Variants in TWIST1 observed in about 807,000 individuals in gnomAD.
TWIST1 encodes twist-related protein 1.
A neutral mutation model predicts 12.9 loss-of-function variants in TWIST1; 8 were observed. That is an observed-to-expected ratio of 0.62 (90% CI 0.37 to 1.12). The LOEUF (loss-of-function observed/expected upper bound fraction) is 1.12. TWIST1 is among the 50% of genes most tolerant of loss of function. The pLI, the probability that TWIST1 is intolerant of heterozygous loss-of-function variation, is 0.02. For missense variants in TWIST1, 268 were observed against 299.7 expected (o/e 0.89, Z 0.78); for synonymous variants, 169 against 138.7 (o/e 1.22, Z -1.54).
downstream of TWIST1, among the ~76,000 whole-genome samples, chr7:19,114,682 T>C (rs1585614390): frequency 6.6e-6 from 1 of 152,198 alleles, no homozygotes; most frequent in East Asian, 1.9e-4. Flanking sequence ...CTGGATAAAA[T>C]ATAACGCTAA....
At position 19,117,082 on chromosome 7, in the gene TWIST1, G is replaced by C. The variant is rs1788588466; in HGVS notation, c.240C>G (p.Gly80=). 4.3e-6 allele frequency: 6 copies of C among 1,385,310 alleles called. No individual in the cohort carries two copies. The highest frequency in any genetic ancestry group is 4.6e-6 in the Non-Finnish European group (5 of 1,076,796). The allele number at this position is 1,385,310 out of a possible 1,614,324, so 85.8% of individuals were successfully genotyped here. A position where few individuals can be genotyped will look rare whatever the true frequency, so the allele number is the denominator to read the frequency against. The change falls in exon 1 of 2, where the codon GGC becomes GGG. Residue 80 remains glycine (G), a synonymous_variant. Transcript: ENST00000242261. ...AQGKRGKKSA[G]CGGGGGAGGG... ...CGCCCGCGCCGCCGCCGCCGCCACA[G>C]CCCGCAGACTTCTTGCCGCGCTTGC...
chr7:19,117,350 G>A lies in TWIST1; in HGVS notation c.-29C>T. 1 of 1,431,686 alleles carries A rather than the reference G, an allele frequency of 7.0e-7. No individual in the cohort carries two copies. Among genetic ancestry groups the A allele is most frequent in the South Asian group, 1.3e-5 (1 of 74,770 alleles). 88.7% of individuals were successfully genotyped at this position (1,431,686 alleles called of 1,614,324 possible). ...TCGAGCGGCGACGCGTGGCCTCGCG[G>A]GCCCGGGGCAGAGGAGAAGAGCGGG... On this transcript the variant is annotated 5_prime_UTR_variant, in exon 1 of 2. Coordinates refer to ENST00000242261, the MANE Select transcript of TWIST1 (RefSeq NM_000474.4).
At chr7:19,113,654 T>G (rs1040992468), downstream of TWIST1, 3 of 152,212 alleles carry the variant, frequency 2.0e-5, no homozygotes, top group African/African-American at 7.2e-5. Context: ...CCTTTTTCAT[T>G]CATTTATTTC....
chr7:19,117,485 C>T lies in TWIST1; in HGVS notation c.-164G>A. 2.6e-6 allele frequency: 3 copies of T among 1,138,816 alleles called. No homozygotes were observed. The highest frequency in any genetic ancestry group is 2.2e-6 in the Non-Finnish European group (2 of 922,604). 70.5% of individuals were successfully genotyped at this position (1,138,816 alleles called of 1,614,324 possible). A position where few individuals can be genotyped will look rare whatever the true frequency, so the allele number is the denominator to read the frequency against. ...GAGGGACCTCCGCGGGGAGGGCGCG[C>T]GGGGGAGGCGGGGAGGGAGGCGGGA... On this transcript the variant is annotated 5_prime_UTR_variant, in exon 1 of 2. Transcript: ENST00000242261.
Position 19,117,188 on chromosome 7 carries a change from C to G in TWIST1, c.134G>C (p.Ser45Thr), listed in dbSNP as rs2522202. 3 of 1,196,612 alleles carry G rather than the reference C, an allele frequency of 2.5e-6. No homozygotes were observed. The highest frequency in any genetic ancestry group is 3.1e-6 in the Non-Finnish European group (3 of 964,592). 74.1% of individuals were successfully genotyped at this position (1,196,612 alleles called of 1,614,324 possible). A position where few individuals can be genotyped will look rare whatever the true frequency, so the allele number is the denominator to read the frequency against. Residue 45 changes from serine (S) to threonine (T), a missense_variant, in exon 1 of 2, where the codon AGC (serine) becomes ACC (threonine). Around this residue, in one of 2 missense-constraint regions of TWIST1, gnomAD observed 189 missense variants for 172.1 expected, o/e 1.10. Coordinates refer to ENST00000242261, the MANE Select transcript of TWIST1 (RefSeq NM_000474.4). ...GCCGGGCCCCGCGCCGCCGCCCGCG[C>G]TGCGCCTGCTGCTGCGCCGCTTGCG... Reference protein sequence around the residue: ...GGRKRRSSRRSAGGGAGPGGA... With the variant: ...GGRKRRSSRRTAGGGAGPGGA...
downstream of TWIST1, chr7:19,113,780 C>T (rs544924008): frequency 1.3e-5 from 2 of 152,052 alleles, no homozygotes; most frequent in East Asian, 3.9e-4. Flanking sequence ...AAAAGCAAAA[C>T]ACATTAAAAA....
chr7:19,113,824 T>G (rs899213252), downstream of TWIST1: 1 of 152,180 alleles, frequency 6.6e-6, no homozygotes, highest in Non-Finnish European at 1.5e-5. Flanking sequence ...AATGGAGAGC[T>G]ACCTTTCTTT....
rs1788601911 is a variant in TWIST1, at chr7:19,117,459, G to A, written c.-138C>T. The A allele has an allele frequency of 2.5e-6, 3 of 1,189,724 alleles. No individual in the cohort carries two copies. Among genetic ancestry groups the A allele is most frequent in the Non-Finnish European group, 2.1e-6 (2 of 955,706 alleles). 73.7% of individuals were successfully genotyped at this position (1,189,724 alleles called of 1,614,324 possible). On this transcript the variant is annotated 5_prime_UTR_variant, in exon 1 of 2. Transcript: ENST00000242261. ...GGAGGAGAGAGCAGGAGGACGGACG[G>A]GAGGGACCTCCGCGGGGAGGGCGCG...
Position 19,117,432 on chromosome 7 carries a change from G to A in TWIST1, c.-111C>T, listed in dbSNP as rs1022055549. 2.5e-6 allele frequency: 3 copies of A among 1,209,906 alleles called. No homozygotes were observed. The highest frequency in any genetic ancestry group is 3.1e-6 in the Non-Finnish European group (3 of 970,098). The allele number at this position is 1,209,906 out of a possible 1,614,324, so 74.9% of individuals were successfully genotyped here. A position where few individuals can be genotyped will look rare whatever the true frequency, so the allele number is the denominator to read the frequency against. On this transcript the variant is annotated 5_prime_UTR_variant, in exon 1 of 2. Transcript: ENST00000242261. Reference sequence around the variant, plus strand: ...GGCGCCGGCCCGGGCGATGCGGCCCGCGGAGGAGAGAGCAGGAGGACGGAC... The same window carrying A: ...GGCGCCGGCCCGGGCGATGCGGCCCACGGAGGAGAGAGCAGGAGGACGGAC...
chr7:19,115,023 T>C (rs971878434), downstream of TWIST1, among the ~76,000 whole-genome samples: 26 of 152,230 alleles, frequency 1.7e-4, no homozygotes, highest in African/African-American at 5.5e-4. Flanking sequence ...TATATGTGTA[T>C]AGATAATTTT....
downstream of TWIST1, among the ~76,000 whole-genome samples, chr7:19,114,498 C>A (rs1271513250): frequency 1.3e-5 from 2 of 152,154 alleles, no homozygotes; most frequent in Non-Finnish European, 1.5e-5. Context: ...AGAACTGATA[C>A]AAAATCACTA....
Position 19,117,050 on chromosome 7 carries a change from C to CCGCCGCCGCCCG in TWIST1, c.260_271dup (p.Ala87_Gly90dup), listed in dbSNP as rs766361142. 5 of 1,416,332 alleles carry CCGCCGCCGCCCG rather than the reference C, an allele frequency of 3.5e-6. No individual in the cohort carries two copies. The highest frequency in any genetic ancestry group is 3.0e-5 in the East Asian group (1 of 33,586). The allele number at this position is 1,416,332 out of a possible 1,614,324, so 87.7% of individuals were successfully genotyped here. A position where few individuals can be genotyped will look rare whatever the true frequency, so the allele number is the denominator to read the frequency against. On this transcript the variant is annotated inframe_insertion, in exon 1 of 2. Transcript: ENST00000242261. Reference sequence around the variant, plus strand: ...ACTCCCGCCGCCGCTGCTGCTGCCGCCGCCGCCGCCCGCGCCGCCGCCGCC... The same window carrying CCGCCGCCGCCCG: ...ACTCCCGCCGCCGCTGCTGCTGCCGCCGCCGCCGCCCGCGCCGCCGCCCGCGCCGCCGCCGCC...
Position 19,116,920 on chromosome 7 carries a change from G to A in TWIST1, c.402C>T (p.Ile134=), listed in dbSNP as rs1419130891. 6.2e-7 allele frequency: 1 copy of A among 1,614,094 alleles called. No homozygotes were observed. Among genetic ancestry groups the A allele is most frequent in the South Asian group, 1.1e-5 (1 of 91,086 alleles). The part of the protein sequence containing the change: ...LNEAFAALRK[I]IPTLPSDKLS... The stretch of plus-strand genomic sequence containing the variant: ...GCTTGTCCGAGGGCAGCGTGGGGAT[G>A]ATCTTCCGCAGCGCGGCGAACGCCT... The change falls in exon 1 of 2, where the codon ATC becomes ATT. Residue 134 remains isoleucine (I), a synonymous_variant. Coordinates refer to ENST00000242261, the MANE Select transcript of TWIST1 (RefSeq NM_000474.4).
Position 19,117,476 on chromosome 7 carries a change from G to C in TWIST1, c.-155C>G. 8.4e-7 allele frequency: 1 copy of C among 1,189,230 alleles called. No individual in the cohort carries two copies. Among genetic ancestry groups the C allele is most frequent in the Non-Finnish European group, 1.0e-6 (1 of 954,344 alleles). The allele number at this position is 1,189,230 out of a possible 1,614,324, so 73.7% of individuals were successfully genotyped here. A position where few individuals can be genotyped will look rare whatever the true frequency, so the allele number is the denominator to read the frequency against. On this transcript the variant is annotated 5_prime_UTR_variant, in exon 1 of 2. Transcript: ENST00000242261. ...GACGGACGGGAGGGACCTCCGCGGGGAGGGCGCGCGGGGGAGGCGGGGAGG... is the reference window on the plus strand; with the variant it reads ...GACGGACGGGAGGGACCTCCGCGGGCAGGGCGCGCGGGGGAGGCGGGGAGG...
In TWIST1 at chr7:19,116,935, G is replaced by T; in HGVS notation, c.387C>A (p.Ala129=). The T allele has an allele frequency of 1.9e-6, 3 of 1,613,934 alleles. No individual in the cohort carries two copies. The highest frequency in any genetic ancestry group is 2.5e-6 in the Non-Finnish European group (3 of 1,179,960). Residue 129 remains alanine (A), a synonymous_variant, in exon 1 of 2, where the codon GCC becomes GCA. Transcript: ENST00000242261. Reference sequence around the variant, plus strand: ...GCGTGGGGATGATCTTCCGCAGCGCGGCGAACGCCTCGTTCAGCGACTGGG... The same window carrying T: ...GCGTGGGGATGATCTTCCGCAGCGCTGCGAACGCCTCGTTCAGCGACTGGG... ...QRTQSLNEAF[A]ALRKIIPTLP... is the part of the protein sequence containing the mutation.
rs55734353 is a variant in TWIST1 at position 19,116,146 on chromosome 7, AGG to A, written c.*43-17_*43-16del. The A allele has an allele frequency of 0.085, 10,158 of 119,954 alleles. 675 individuals are homozygous for A. Among genetic ancestry groups the A allele is most frequent in the African/African-American group, 0.18 (5,795 of 33,074 alleles). The allele number at this position is 119,954 out of a possible 1,614,324, so 7.4% of individuals were successfully genotyped here. ...AACAATGACATCTGCAAAAACCCAG[AGG>A]GGGGGGGGGGAGTCGGTTATTGTTT... On this transcript the variant is annotated splice_polypyrimidine_tract_variant and intron_variant, in intron 1 of 1. Transcript: ENST00000242261.
Position 19,117,002 on chromosome 7 carries a change from T to C in TWIST1, c.320A>G (p.Gln107Arg). The C allele has an allele frequency of 6.2e-7, 1 of 1,606,792 alleles. No homozygotes were observed. Among genetic ancestry groups the C allele is most frequent in the Non-Finnish European group, 8.5e-7 (1 of 1,178,912 alleles). ...GGSPQSYEEL[Q>R]TQRVMANVRE... ...CACGTTGGCCATGACCCGCTGCGTC[T>C]GCAGCTCCTCGTAAGACTGCGGACT... is the stretch of plus-strand genomic sequence containing the variant. Residue 107 changes from glutamine (Q) to arginine (R), a missense_variant, in exon 1 of 2, where the codon CAG becomes CGG. Physicochemically the swap from Gln to Arg is conservative, Grantham distance 43. This residue lies in a region of TWIST1 where 189 missense variants were observed against 172.1 expected (regional missense o/e 1.10). Coordinates refer to ENST00000242261, the MANE Select transcript of TWIST1 (RefSeq NM_000474.4).
Position 19,117,578 on chromosome 7 carries a change from C to T in TWIST1, c.-257G>A. On this transcript the variant is annotated 5_prime_UTR_variant, in exon 1 of 2. Transcript: ENST00000242261. ...AGCGCCCAACGGCTGGACGCACACC[C>T]CGCCAGGCCTCCTGGAAACGGTGCC... 9.0e-7 allele frequency: 1 copy of T among 1,110,020 alleles called. No homozygotes were observed. Among genetic ancestry groups the T allele is most frequent in the Non-Finnish European group, 1.1e-6 (1 of 900,510 alleles). The allele number at this position is 1,110,020 out of a possible 1,614,324, so 68.8% of individuals were successfully genotyped here. A position where few individuals can be genotyped will look rare whatever the true frequency, so the allele number is the denominator to read the frequency against.
Position 19,117,557 on chromosome 7 carries a change from C to A in TWIST1, c.-236G>T. On this transcript the variant is annotated 5_prime_UTR_variant, in exon 1 of 2. Coordinates refer to ENST00000242261, the MANE Select transcript of TWIST1 (RefSeq NM_000474.4). Reference sequence around the variant, plus strand: ...GGCCCCGAGGTCCAAAAAGAAAGCGCCCAACGGCTGGACGCACACCCCGCC... The same window carrying A: ...GGCCCCGAGGTCCAAAAAGAAAGCGACCAACGGCTGGACGCACACCCCGCC... 1 of 1,131,738 alleles carries A rather than the reference C, an allele frequency of 8.8e-7. No homozygotes were observed. Among genetic ancestry groups the A allele is most frequent in the East Asian group, 5.2e-5 (1 of 19,078 alleles). The allele number at this position is 1,131,738 out of a possible 1,614,324, so 70.1% of individuals were successfully genotyped here. A position where few individuals can be genotyped will look rare whatever the true frequency, so the allele number is the denominator to read the frequency against.
Sources: gnomAD v4.1 joint callset for allele counts (sites outside exome capture counted in the v4.1 genomes callset) on GRCh38, gnomAD v4.1.1 for gene constraint, gnomAD v4.1.1 regional missense constraint, MANE v1.5 for transcripts, NCBI Gene and HGNC (gene_info 2026-07-23, HGNC 2026-07-21) for gene names.